CSGALNACT1: variants seen among roughly 807,000 people sequenced by gnomAD.
The protein encoded by CSGALNACT1 is chondroitin sulfate N-acetylgalactosaminyltransferase 1.
CSGALNACT1 carries 52 observed loss-of-function variants against 51.0 expected under a neutral mutation model. That is an observed-to-expected ratio of 1.02 (90% CI 0.82 to 1.29). The LOEUF (loss-of-function observed/expected upper bound fraction) is 1.29, where lower values mean the gene tolerates loss of function less well. Ranked by LOEUF, CSGALNACT1 falls within the 50% of genes most tolerant of loss-of-function variation. The pLI is 0.00. For synonymous variants in CSGALNACT1, 341 were observed against 254.4 expected (o/e 1.34, Z -3.24); for missense variants, 935 against 679.2 (o/e 1.38, Z -4.19).
intron 1 of CSGALNACT1, among the ~76,000 whole-genome samples, chr8:19,735,907 T>C (rs1436721952): frequency 5.9e-5 from 9 of 152,162 alleles, no homozygotes; most frequent in Non-Finnish European, 1.5e-5. Flanking sequence ...AAATACAAAG[T>C]ACATAAAGGC....
intron 4 of CSGALNACT1, among the ~76,000 whole-genome samples, chr8:19,489,631 C>G (rs1262784243): frequency 2.0e-5 from 3 of 152,126 alleles, no homozygotes; most frequent in Non-Finnish European, 2.9e-5. Flanking sequence ...TAGGGGGAGA[C>G]CCTGATGAAT....
chr8:19,404,175 CATATT>C (rs1353095276), exon 10 of CSGALNACT1: 1 of 352,108 alleles, frequency 2.8e-6, no homozygotes, highest in East Asian at 7.5e-5. Context: ...ATCCACAAAT[CATATT>C]TTATTAGCTG....
At chr8:19,676,083 T>TAAAAAAAAA (rs1564404826) in intron 1 of CSGALNACT1, among the ~76,000 whole-genome samples, 1 of 59,098 alleles carries the variant, frequency 1.7e-5, no homozygotes, top group African/African-American at 4.7e-5. Flanking sequence ...GTTGTCTGAT[T>TAAAAAAAAA]TAAAAAACAA....
chr8:19,665,594 G>A (rs2059118797), intron 1 of CSGALNACT1, among the ~76,000 whole-genome samples: 2 of 152,144 alleles, frequency 1.3e-5, no homozygotes, highest in African/African-American at 2.4e-5. Context: ...GGAAGCCACG[G>A]ACTTTCCCAT....
intron 1 of CSGALNACT1, among the ~76,000 whole-genome samples, chr8:19,615,757 G>A (rs914399263): frequency 4.6e-5 from 7 of 152,108 alleles, no homozygotes; most frequent in Admixed American, 1.3e-4. Flanking sequence ...AAGAAGAGGA[G>A]CAAGATGTAT....
At chr8:19,598,630 G>A (rs776322875) in intron 2 of CSGALNACT1, among the ~76,000 whole-genome samples, 24 of 152,244 alleles carry the variant, frequency 1.6e-4, no homozygotes, top group South Asian at 8.3e-4. Flanking sequence ...ACAGACTAGC[G>A]GAACTGCAAA....
intron 1 of CSGALNACT1, among the ~76,000 whole-genome samples, chr8:19,651,509 T>C (rs1434475704): frequency 6.6e-6 from 1 of 152,240 alleles, no homozygotes; most frequent in Non-Finnish European, 1.5e-5. Flanking sequence ...AGCGAGAACA[T>C]GCAGTACTTG....
At position 19,715,047 on chromosome 8, in the gene CSGALNACT1, T is replaced by C. The variant is rs150336113; in HGVS notation, c.-297+42803A>G. On this transcript the variant is annotated intron_variant, in intron 1 of 1. Coordinates refer to the CSGALNACT1 transcript ENST00000517494. Reference sequence around the variant, plus strand: ...AGACTGGGAAGAAAAAGAGGTTTAATTGGACTTATAGTTCCACATGGCCGG... The same window carrying C: ...AGACTGGGAAGAAAAAGAGGTTTAACTGGACTTATAGTTCCACATGGCCGG... Among the ~76,000 whole-genome samples, 1,359 of 152,260 alleles carry C rather than the reference T, an allele frequency of 8.9e-3. 15 individuals are homozygous for C. The highest frequency in any genetic ancestry group is 0.029 in the African/African-American group (1,217 of 41,528).
chr8:19,498,703 A>G (rs982090846), intron 4 of CSGALNACT1, among the ~76,000 whole-genome samples: 1 of 152,094 alleles, frequency 6.6e-6, no homozygotes, highest in Non-Finnish European at 1.5e-5. Flanking sequence ...TTTCCTGCCC[A>G]CTCCAGATAA....
intron 3 of CSGALNACT1, among the ~76,000 whole-genome samples, chr8:19,573,369 G>A (rs964566110): frequency 6.6e-6 from 1 of 152,138 alleles, no homozygotes; most frequent in African/African-American, 2.4e-5. Context: ...GGCACTGGAT[G>A]AAAACCTTGG....
chr8:19,749,580 G>C (rs969373331), intron 1 of CSGALNACT1, among the ~76,000 whole-genome samples: 2 of 152,148 alleles, frequency 1.3e-5, no homozygotes, highest in African/African-American at 2.4e-5. Context: ...AGGCGGCTCA[G>C]TATCATAAAA....
chr8:19,489,856 T>TTCCTAA (rs1362744208), intron 4 of CSGALNACT1, among the ~76,000 whole-genome samples: 158 of 152,324 alleles, frequency 1.0e-3, no homozygotes, highest in African/African-American at 3.5e-3. Flanking sequence ...GAAGCCAAGC[T>TTCCTAA]GAGCTGACAT....
At chr8:19,406,366 G>A (rs1332812987) in intron 9 of CSGALNACT1, among the ~76,000 whole-genome samples, 1 of 151,788 alleles carries the variant, frequency 6.6e-6, no homozygotes, top group Non-Finnish European at 1.5e-5. Flanking sequence ...CCCCAGCCTC[G>A]TGGTTAATGG....
At chr8:19,627,147 C>A (rs1482640814) in intron 1 of CSGALNACT1, among the ~76,000 whole-genome samples, 1 of 152,126 alleles carries the variant, frequency 6.6e-6, no homozygotes, top group Non-Finnish European at 1.5e-5. Flanking sequence ...TGACACCAAC[C>A]CAAATGTCTT....
At chr8:19,513,866 C>G (rs372464460) in intron 3 of CSGALNACT1, among the ~76,000 whole-genome samples, 20 of 151,994 alleles carry the variant, frequency 1.3e-4, no homozygotes, top group East Asian at 1.2e-3. Context: ...ATTATAGAAC[C>G]ACCCACATGT....
chr8:19,698,381 G>A (rs187474198), intron 1 of CSGALNACT1, among the ~76,000 whole-genome samples: 29 of 152,312 alleles, frequency 1.9e-4, no homozygotes, highest in African/African-American at 6.5e-4. Context: ...ACTTGTTCAT[G>A]CTTTTGCTCT....
intron 1 of CSGALNACT1, among the ~76,000 whole-genome samples, chr8:19,662,521 T>C (rs1390866109): frequency 2.0e-5 from 3 of 152,244 alleles, no homozygotes; most frequent in African/African-American, 7.2e-5. Flanking sequence ...TCACATCATC[T>C]AATAATTGGA....
chr8:19,600,546 T>C (rs1174537496), intron 2 of CSGALNACT1, among the ~76,000 whole-genome samples: 4 of 152,352 alleles, frequency 2.6e-5, no homozygotes, highest in Middle Eastern at 3.4e-3. Flanking sequence ...GACAGTTCCA[T>C]ACGCCCTTCA....
chr8:19,447,584 T>C (rs1465389504), intron 5 of CSGALNACT1, among the ~76,000 whole-genome samples: 1 of 152,176 alleles, frequency 6.6e-6, no homozygotes, highest in Non-Finnish European at 1.5e-5. Context: ...ATAGGATGTG[T>C]GGCAGCATCC....
Sources: allele counts gnomAD v4.1 joint callset (sites outside exome capture counted in the v4.1 genomes callset), GRCh38; gene constraint gnomAD v4.1.1; transcripts MANE v1.5; gene names NCBI Gene and HGNC (gene_info 2026-07-23, HGNC 2026-07-21).